Variants in GRB14 observed in about 807,000 individuals in gnomAD.
GRB14 encodes growth factor receptor bound protein 14.
A neutral mutation model predicts 69.1 loss-of-function variants in GRB14; 38 were observed. The observed-to-expected ratio is 0.55, with a 90% CI of 0.42 to 0.72. GRB14 has a LOEUF of 0.72. GRB14 is among the 30% of genes least tolerant of loss of function. The probability of loss-of-function intolerance (pLI) is 0.00; values close to 1 mark genes in which losing one functional copy is unlikely to be tolerated. For synonymous variants in GRB14, 247 were observed against 241.3 expected (o/e 1.02, Z -0.22); for missense variants, 666 against 666.1 (o/e 1.00, Z 0.00).
chr2:164,517,187 A>T (rs965190496), intron 6 of GRB14, among the ~76,000 whole-genome samples: 4 of 152,198 alleles, frequency 2.6e-5, no homozygotes, highest in Non-Finnish European at 5.9e-5. Flanking sequence ...AGTAGACAAG[A>T]GAACTTGTGC....
At chr2:164,603,958 G>A (rs1281763738) in intron 2 of GRB14, among the ~76,000 whole-genome samples, 2 of 152,124 alleles carry the variant, frequency 1.3e-5, no homozygotes, top group Admixed American at 6.5e-5. Flanking sequence ...AATTCACAAA[G>A]AAGAAGTAAG....
intron 6 of GRB14, among the ~76,000 whole-genome samples, chr2:164,516,183 A>T (rs2105276015): frequency 6.6e-6 from 1 of 152,264 alleles, no homozygotes. Flanking sequence ...CCTGCTAGAG[A>T]TCTAGACATC....
At chr2:164,572,410 T>C (rs948462502) in intron 2 of GRB14, among the ~76,000 whole-genome samples, 3 of 152,210 alleles carry the variant, frequency 2.0e-5, no homozygotes, top group African/African-American at 7.2e-5. Flanking sequence ...ACACCTCTTC[T>C]GAAAATTTCA....
rs1279635087 is a variant in GRB14, at chr2:164,612,648, G to GT, written c.324+7038dup. ...TTATTACTATTTGACATAAGCTGAC[G>GT]TTTTTTCAAAGCAATATCCATAAGA... On this transcript the variant is annotated intron_variant, in intron 2 of 13. Transcript: ENST00000263915. Among the ~76,000 whole-genome samples the GT allele has an allele frequency of 2.6e-5, 4 of 152,168 alleles. No homozygotes were observed. In the South Asian group the frequency reaches 6.2e-4, roughly 24 times the overall value.
chr2:164,503,169 TAAA>T (rs3086552), intron 8 of GRB14, among the ~76,000 whole-genome samples: 2 of 126,586 alleles, frequency 1.6e-5, no homozygotes, highest in Non-Finnish European at 1.7e-5. Flanking sequence ...GCTACTTTGT[TAAA>T]AAAAAAAAAA....
chr2:164,590,134 T>C (rs1384926320), intron 2 of GRB14, among the ~76,000 whole-genome samples: 1 of 152,140 alleles, frequency 6.6e-6, no homozygotes, highest in Non-Finnish European at 1.5e-5. Context: ...GTCCATACCA[T>C]AACCCTCCAC....
chr2:164,534,292 T>C (rs947317962), intron 3 of GRB14, among the ~76,000 whole-genome samples: 5 of 152,172 alleles, frequency 3.3e-5, no homozygotes, highest in Non-Finnish European at 1.5e-5. Context: ...CCATCCCAAT[T>C]TGCATGAATT....
At chr2:164,518,747 T>C (rs1574263792) in intron 6 of GRB14, among the ~76,000 whole-genome samples, 1 of 152,194 alleles carries the variant, frequency 6.6e-6, no homozygotes, top group South Asian at 2.1e-4. Context: ...AACACCTTTA[T>C]GCATATAAAC....
At chr2:164,589,934 A>C (rs1197033660) in intron 2 of GRB14, among the ~76,000 whole-genome samples, 2 of 152,142 alleles carry the variant, frequency 1.3e-5, no homozygotes, top group Non-Finnish European at 2.9e-5. Context: ...TGGGTTACAG[A>C]CAGCCAACTT....
chr2:164,576,539 A>G (rs1209940426), intron 2 of GRB14, among the ~76,000 whole-genome samples: 1 of 151,956 alleles, frequency 6.6e-6, no homozygotes, highest in Admixed American at 6.6e-5. Context: ...AGAAGCTCCT[A>G]GCATCTGAAA....
At chr2:164,520,744 A>G (rs1028835877) in intron 6 of GRB14, among the ~76,000 whole-genome samples, 2 of 152,188 alleles carry the variant, frequency 1.3e-5, no homozygotes, top group African/African-American at 4.8e-5. Context: ...ATGGCCAACA[A>G]ACATATGAAA....
At chr2:164,593,165 A>C (rs1689707118) in intron 2 of GRB14, among the ~76,000 whole-genome samples, 1 of 152,230 alleles carries the variant, frequency 6.6e-6, no homozygotes, top group South Asian at 2.1e-4. Flanking sequence ...GTACATGGGG[A>C]TGTATAAAAG....
intron 2 of GRB14, among the ~76,000 whole-genome samples, chr2:164,602,600 T>C (rs1049305970): frequency 6.6e-6 from 1 of 152,200 alleles, no homozygotes; most frequent in Non-Finnish European, 1.5e-5. Context: ...ATACAGATGA[T>C]CATCTAACAA....
At chr2:164,547,951 T>C in intron 2 of GRB14, 135 bp from the exon 3 acceptor site, 1 of 552,202 alleles carries the variant, frequency 1.8e-6, no homozygotes, top group Middle Eastern at 5.1e-4. Context: ...GGTTATATAG[T>C]AAAACAAATT....
chr2:164,551,175 A>C (rs1418775447), intron 2 of GRB14, among the ~76,000 whole-genome samples: 1 of 152,220 alleles, frequency 6.6e-6, no homozygotes, highest in Non-Finnish European at 1.5e-5. Flanking sequence ...CCAGGGTGGA[A>C]GATGTTTTCT....
intron 3 of GRB14, among the ~76,000 whole-genome samples, chr2:164,538,733 C>G (rs1053835278): frequency 9.2e-5 from 14 of 152,282 alleles, no homozygotes; most frequent in African/African-American, 3.4e-4. Context: ...ACATTGCATT[C>G]AAAGTTCCAA....
intron 2 of GRB14, among the ~76,000 whole-genome samples, chr2:164,604,694 T>A (rs1690003875): frequency 6.6e-6 from 1 of 151,368 alleles, no homozygotes; most frequent in Non-Finnish European, 1.5e-5. Context: ...ACGGTGAGAA[T>A]CCTAGTATTA....
intron 2 of GRB14, among the ~76,000 whole-genome samples, chr2:164,581,077 A>G (rs1462383114): frequency 2.0e-5 from 3 of 152,174 alleles, no homozygotes; most frequent in African/African-American, 7.2e-5. Context: ...TAGGAAATAC[A>G]TTGTATTTCC....
At chr2:164,578,790 T>C (rs954313104) in intron 2 of GRB14, among the ~76,000 whole-genome samples, 2 of 152,212 alleles carry the variant, frequency 1.3e-5, no homozygotes, top group Non-Finnish European at 2.9e-5. Flanking sequence ...TGAGAAGCCA[T>C]GCCCTTGACA....
Sources: allele counts gnomAD v4.1 joint callset (sites outside exome capture counted in the v4.1 genomes callset), GRCh38; gene constraint gnomAD v4.1.1; transcripts MANE v1.5; gene names NCBI Gene and HGNC (gene_info 2026-07-23, HGNC 2026-07-21).